The following PAN3 variants were observed in gnomAD, a reference collection of about 807,000 sequenced individuals.
PAN3 encodes poly(A) specific ribonuclease subunit PAN3.
In PAN3, 19 loss-of-function variants were observed where a neutral mutation model predicts 96.2. The observed-to-expected ratio is 0.20, with a 90% confidence interval of 0.14 to 0.29. The LOEUF (loss-of-function observed/expected upper bound fraction) is 0.29. PAN3 is among the 10% of genes least tolerant of loss of function. The probability of loss-of-function intolerance (pLI) is 1.00; values close to 1 mark genes in which losing one functional copy is unlikely to be tolerated. For missense variants in PAN3, 882 were observed against 1,108.1 expected (o/e 0.80, Z 2.90); for synonymous variants, 433 against 406.6 (o/e 1.06, Z -0.78).
chr13:28,201,644 T>C (rs1878720272), intron 5 of PAN3, among the ~76,000 whole-genome samples: 1 of 152,012 alleles, frequency 6.6e-6, no homozygotes. Flanking sequence ...AAGTGATCCT[T>C]CCACCTTAGC....
chr13:28,139,163 G>T, intron 1 of PAN3, 76 bp downstream of exon 1: 1 of 1,238,740 alleles, frequency 8.1e-7, no homozygotes. Flanking sequence ...GCTGCCGACG[G>T]GAGCTGAGCA....
chr13:28,256,697 T>C (rs537744522), intron 7 of PAN3, among the ~76,000 whole-genome samples, 158 bp downstream of exon 7: 3 of 152,354 alleles, frequency 2.0e-5, no homozygotes, highest in East Asian at 1.9e-4. Context: ...TTCTCAACTC[T>C]TCAAATTAAT....
At chr13:28,214,968 G>T (rs1327668027) in intron 5 of PAN3, 5 of 1,371,664 alleles carry the variant, frequency 3.6e-6, no homozygotes, top group African/African-American at 2.8e-5. Context: ...AATTGTTGGT[G>T]TTAACAAAAT....
chr13:28,165,856 T>G (rs77286244), intron 1 of PAN3, among the ~76,000 whole-genome samples: 2,933 of 152,208 alleles, frequency 0.019, 109 homozygotes, highest in African/African-American at 0.067. Context: ...TCTAACAGTT[T>G]CCTTGTGCTT....
intron 2 of PAN3, among the ~76,000 whole-genome samples, chr13:28,175,713 C>T (rs571863876): frequency 3.9e-5 from 6 of 152,076 alleles, no homozygotes; most frequent in Non-Finnish European, 7.4e-5. Context: ...GTTTTATGAA[C>T]AATATAACTA....
At chr13:28,203,097 G>T (rs1214656599) in intron 5 of PAN3, among the ~76,000 whole-genome samples, 4 of 151,824 alleles carry the variant, frequency 2.6e-5, no homozygotes, top group South Asian at 4.2e-4. Context: ...CAAGTAGCTG[G>T]GACCACAGGT....
intron 5 of PAN3, chr13:28,215,211 G>T: frequency 8.4e-6 from 6 of 712,628 alleles, no homozygotes; most frequent in Non-Finnish European, 1.6e-5. Flanking sequence ...TGAGGCTCTG[G>T]ACTGCATCCT....
intron 6 of PAN3, among the ~76,000 whole-genome samples, chr13:28,223,863 G>A (rs1881681554): frequency 7.1e-6 from 1 of 140,630 alleles, no homozygotes; most frequent in African/African-American, 2.7e-5. Flanking sequence ...TTTGTGCCAT[G>A]AAAAGTGATT....
intron 6 of PAN3, among the ~76,000 whole-genome samples, chr13:28,251,137 C>T (rs1252256876): frequency 6.6e-6 from 1 of 151,992 alleles, no homozygotes; most frequent in East Asian, 1.9e-4. Flanking sequence ...TATGTTTTCA[C>T]TCTTAAAGAG....
At chr13:28,248,919 A>G (rs1016700814) in intron 6 of PAN3, among the ~76,000 whole-genome samples, 3 of 152,084 alleles carry the variant, frequency 2.0e-5, no homozygotes, top group African/African-American at 7.2e-5. Flanking sequence ...TCATAAAGGG[A>G]TGTTAAATAT....
chr13:28,293,782 A>G lies in PAN3; in HGVS notation c.*1260A>G, dbSNP rs1381943514. On this transcript the variant is annotated 3_prime_UTR_variant, in exon 19 of 19. Coordinates refer to ENST00000380958, the MANE Select transcript of PAN3 (RefSeq NM_175854.8). ...AATTTCTAGTAAATGAAATACCTAT[A>G]CTTTGATACTGAAGACTGCCAAATA... The G allele has an allele frequency of 6.6e-6, 1 of 152,610 alleles. No individual in the cohort carries two copies. Among genetic ancestry groups the G allele is most frequent in the South Asian group, 2.1e-4 (1 of 4,828 alleles). The allele number at this position is 152,610 out of a possible 1,614,324, so 9.5% of individuals were successfully genotyped here.
chr13:28,286,535 G>A (rs1210292188), intron 17 of PAN3, among the ~76,000 whole-genome samples: 2 of 152,176 alleles, frequency 1.3e-5, no homozygotes, highest in Non-Finnish European at 2.9e-5. Context: ...GCCAGTGTGG[G>A]TTGCTTGATT....
chr13:28,204,786 A>T (rs1332823214), intron 5 of PAN3, among the ~76,000 whole-genome samples: 4 of 152,238 alleles, frequency 2.6e-5, no homozygotes, highest in African/African-American at 9.6e-5. Flanking sequence ...GTGATACATT[A>T]AATAAAATCA....
At position 28,174,387 on chromosome 13, in the gene PAN3, G is replaced by T; in HGVS notation, c.546G>T (p.Leu182=). The T allele has an allele frequency of 4.3e-6, 7 of 1,612,938 alleles. No individual in the cohort carries two copies. In the Middle Eastern group the frequency reaches 1.2e-3, roughly 266 times the overall value. ...FGSPVETKYP[L]MQRMTNSSSS... Reference sequence around the variant, plus strand: ...GCCCTGTAGAAACAAAATATCCCCTGATGCAGGTATCCTTAGTATAAATTC... The same window carrying T: ...GCCCTGTAGAAACAAAATATCCCCTTATGCAGGTATCCTTAGTATAAATTC... The change falls in exon 2 of 19, where the codon CTG becomes CTT. Residue 182 remains leucine, a synonymous_variant. Coordinates refer to ENST00000380958, the MANE Select transcript of PAN3 (RefSeq NM_175854.8).
chr13:28,224,236 T>G (rs1881751285), intron 6 of PAN3, among the ~76,000 whole-genome samples: 1 of 152,208 alleles, frequency 6.6e-6, no homozygotes, highest in Non-Finnish European at 1.5e-5. Context: ...TTCCCGAGTA[T>G]TTTTAATAGT....
intron 6 of PAN3, among the ~76,000 whole-genome samples, chr13:28,243,938 G>A (rs1475375349): frequency 2.6e-5 from 4 of 151,972 alleles, no homozygotes; most frequent in African/African-American, 2.4e-5. Flanking sequence ...CACCTTCCTC[G>A]GCCTCCCAAA....
At chr13:28,274,056 G>A (rs967995784) in intron 14 of PAN3, among the ~76,000 whole-genome samples, 5 of 152,098 alleles carry the variant, frequency 3.3e-5, no homozygotes, top group African/African-American at 9.7e-5. Flanking sequence ...GTTTGCAGAC[G>A]TTTCACACCC....
At chr13:28,266,693 A>T in intron 9 of PAN3, 22 bp from the exon 10 acceptor site, 2 of 1,512,506 alleles carry the variant, frequency 1.3e-6, no homozygotes, top group Non-Finnish European at 8.9e-7. Context: ...TTTTCAAGTC[A>T]TCTTCTTATG....
chr13:28,220,783 T>G (rs545435267), intron 6 of PAN3, among the ~76,000 whole-genome samples: 5 of 152,110 alleles, frequency 3.3e-5, no homozygotes, highest in Non-Finnish European at 5.9e-5. Context: ...AAAAAATAAT[T>G]TAATCATTCT....
Sources: gnomAD v4.1 joint callset for allele counts (sites outside exome capture counted in the v4.1 genomes callset) on GRCh38, gnomAD v4.1.1 for gene constraint, MANE v1.5 for transcripts, NCBI Gene and HGNC (gene_info 2026-07-23, HGNC 2026-07-21) for gene names.